Variants in THSD4 observed in about 807,000 individuals in gnomAD.
THSD4 encodes the protein thrombospondin type-1 domain-containing protein 4.
Under a neutral mutation model 119.0 loss-of-function variants are expected in THSD4, and 69 were observed. The ratio of observed to expected loss-of-function variants is 0.58; its 90% CI spans 0.48 to 0.71. The LOEUF is 0.71. Among genes scored for constraint, THSD4 ranks in the 30% least tolerant of loss-of-function variants. The pLI, the probability that THSD4 is intolerant of heterozygous loss-of-function variation, is 0.00. For missense variants in THSD4, 1,393 were observed against 1,391.1 expected, an observed-to-expected ratio of 1.00 and a Z score of -0.02; for synonymous variants, 524 against 540.4, an observed-to-expected ratio of 0.97 and a Z score of 0.42.
intron 6 of THSD4, among the ~76,000 whole-genome samples, chr15:71,405,563 A>G (rs969088824): frequency 6.6e-6 from 1 of 152,234 alleles, no homozygotes; most frequent in Admixed American, 6.5e-5. Flanking sequence ...GTTTAGCCTT[A>G]TGAAAATACC....
intron 1 of THSD4, among the ~76,000 whole-genome samples, chr15:71,140,190 G>A (rs921042703): frequency 2.0e-5 from 3 of 152,190 alleles, no homozygotes; most frequent in African/African-American, 7.2e-5. Context: ...TTAAGACTGG[G>A]TAATTTATAG....
chr15:71,675,779 G>C (rs1034731473), intron 8 of THSD4, among the ~76,000 whole-genome samples: 1 of 152,198 alleles, frequency 6.6e-6, no homozygotes, highest in Non-Finnish European at 1.5e-5. Context: ...GTCAGGACTT[G>C]AACCTGGGCA....
intron 3 of THSD4, among the ~76,000 whole-genome samples, chr15:71,157,102 CTTG>C (rs1407694268): frequency 1.3e-5 from 2 of 152,106 alleles, no homozygotes; most frequent in East Asian, 1.9e-4. Flanking sequence ...CTGTGTTCCT[CTTG>C]TTGTTGTTGC....
chr15:71,475,626 G>A (rs928433597), intron 7 of THSD4, among the ~76,000 whole-genome samples: 3 of 152,194 alleles, frequency 2.0e-5, no homozygotes, highest in African/African-American at 7.2e-5. Flanking sequence ...TAGGGAGTAA[G>A]CATAAAGAAA....
intron 15 of THSD4, among the ~76,000 whole-genome samples, chr15:71,763,115 A>G (rs756250030): frequency 6.6e-6 from 1 of 152,156 alleles, no homozygotes; most frequent in Non-Finnish European, 1.5e-5. Flanking sequence ...TAGTTTTTTA[A>G]TGCTACGAAG....
At chr15:71,452,520 C>CAA (rs71281967) in intron 7 of THSD4, among the ~76,000 whole-genome samples, 17 of 78,972 alleles carry the variant, frequency 2.2e-4, no homozygotes, top group Admixed American at 8.4e-4. Context: ...TCCCCTCCAC[C>CAA]AAAAAAAAAA....
chr15:71,281,057 C>G (rs1022959611), intron 6 of THSD4, among the ~76,000 whole-genome samples: 3 of 152,222 alleles, frequency 2.0e-5, no homozygotes, highest in African/African-American at 7.2e-5. Context: ...CGCCCCATGT[C>G]CCTGCCCAGG....
intron 7 of THSD4, among the ~76,000 whole-genome samples, chr15:71,597,969 A>G (rs11635147): frequency 0.24 from 36,623 of 152,092 alleles, 4,752 homozygotes; most frequent in Non-Finnish European, 0.29. Context: ...CTATGGTCCC[A>G]ATCCTGTGCT....
intron 8 of THSD4, among the ~76,000 whole-genome samples, chr15:71,688,845 A>G (rs1298844575): frequency 6.6e-6 from 1 of 151,742 alleles, no homozygotes; most frequent in Non-Finnish European, 1.5e-5. Flanking sequence ...ACCCCCTGCC[A>G]GTGTTTTTTT....
chr15:71,529,422 T>TAA (rs2048577321), intron 7 of THSD4, among the ~76,000 whole-genome samples: 1 of 152,224 alleles, frequency 6.6e-6, no homozygotes, highest in African/African-American at 2.4e-5. Flanking sequence ...ACAAATGTCA[T>TAA]AATTACTTAT....
intron 5 of THSD4, among the ~76,000 whole-genome samples, chr15:71,249,190 A>G (rs1427335707): frequency 6.6e-6 from 1 of 152,078 alleles, no homozygotes; most frequent in East Asian, 1.9e-4. Flanking sequence ...ATGTATACAC[A>G]CCACACACAC....
At position 71,492,252 on chromosome 15, in the gene THSD4, G is replaced by A. The variant is rs187016251; in HGVS notation, c.1152+80429G>A. On this transcript the variant is annotated intron_variant, in intron 7 of 17. Transcript: ENST00000261862. ...ATGGCTGTTCCTCGTCTTAGGTTTTGTTTATTTTATTTATTTTATTTTTTA... is the reference window on the plus strand; with the variant it reads ...ATGGCTGTTCCTCGTCTTAGGTTTTATTTATTTTATTTATTTTATTTTTTA... 2.4e-3 allele frequency among the ~76,000 whole-genome samples: 372 copies of A among 151,850 alleles called. 7 individuals carry two copies. Among genetic ancestry groups the A allele is most frequent in the Admixed American group, 0.021 (317 of 15,242 alleles).
intron 6 of THSD4, among the ~76,000 whole-genome samples, chr15:71,361,197 G>C (rs1308838707): frequency 6.6e-6 from 1 of 152,174 alleles, no homozygotes; most frequent in African/African-American, 2.4e-5. Flanking sequence ...TGAAGGAGAA[G>C]ACCATACATG....
intron 10 of THSD4, among the ~76,000 whole-genome samples, chr15:71,737,313 T>G (rs1317453543): frequency 6.6e-6 from 1 of 152,254 alleles, no homozygotes; most frequent in Non-Finnish European, 1.5e-5. Context: ...CCATAGTGAC[T>G]GGAAGTGTGT....
At chr15:71,267,369 A>G (rs1237674163) in intron 6 of THSD4, among the ~76,000 whole-genome samples, 2 of 152,244 alleles carry the variant, frequency 1.3e-5, no homozygotes, top group Non-Finnish European at 2.9e-5. Flanking sequence ...ACTAAGCTTC[A>G]TAAGTGAAGG....
At chr15:71,534,282 T>G (rs919750329) in intron 7 of THSD4, among the ~76,000 whole-genome samples, 1 of 152,250 alleles carries the variant, frequency 6.6e-6, no homozygotes, top group African/African-American at 2.4e-5. Flanking sequence ...TGTATTCATT[T>G]GCAGTCTCAA....
At chr15:71,520,642 C>A (rs1172566991) in intron 7 of THSD4, among the ~76,000 whole-genome samples, 1 of 152,202 alleles carries the variant, frequency 6.6e-6, no homozygotes, top group Non-Finnish European at 1.5e-5. Flanking sequence ...TAAGCACTTA[C>A]AATGTGTCAG....
At chr15:71,306,422 A>G (rs569472177) in intron 6 of THSD4, among the ~76,000 whole-genome samples, 1 of 152,070 alleles carries the variant, frequency 6.6e-6, no homozygotes, top group East Asian at 1.9e-4. Flanking sequence ...CATCCTCATA[A>G]TAACAGAGGT....
intron 6 of THSD4, among the ~76,000 whole-genome samples, chr15:71,292,823 C>G (rs1344099629): frequency 6.6e-6 from 1 of 151,990 alleles, no homozygotes; most frequent in African/African-American, 2.4e-5. Context: ...ACTACAGGCA[C>G]CCACCACCAC....
Sources: gnomAD v4.1 joint callset for allele counts (sites outside exome capture counted in the v4.1 genomes callset) on GRCh38, gnomAD v4.1.1 for gene constraint, MANE v1.5 for transcripts, NCBI Gene and HGNC (gene_info 2026-07-23, HGNC 2026-07-21) for gene names.